VAC14: variants seen among roughly 807,000 people sequenced by gnomAD.
The protein encoded by VAC14 is protein VAC14 homolog.
In VAC14, 47 loss-of-function variants were observed where a neutral mutation model predicts 85.3. That is an observed-to-expected ratio of 0.55 (90% confidence interval 0.44 to 0.70). The LOEUF (loss-of-function observed/expected upper bound fraction) is 0.70. Among genes scored for constraint, VAC14 ranks in the 30% least tolerant of loss-of-function variants. The pLI is 0.00. For missense variants in VAC14, 861 were observed against 1,004.3 expected, an observed-to-expected ratio of 0.86 and a Z score of 1.93; for synonymous variants, 447 against 430.5, an observed-to-expected ratio of 1.04 and a Z score of -0.47.
Position 70,780,908 on chromosome 16 carries a change from C to T in VAC14, c.978G>A (p.Gln326=). 1 of 1,614,200 alleles carries T rather than the reference C, an allele frequency of 6.2e-7. No homozygotes were observed. Among genetic ancestry groups the T allele is most frequent in the East Asian group, 2.2e-5 (1 of 44,882 alleles). The change falls in exon 9 of 19, where the codon CAG becomes CAA. Residue 326 remains glutamine, a synonymous_variant. Coordinates refer to ENST00000261776, the MANE Select transcript of VAC14 (RefSeq NM_018052.5). ...SIKEVANVCN[Q]SLMKLVTPED... ...CGGGGGTGACCAGCTTCATCAGGCTCTGGTTGCACACGTTGGCCACTTCTT... is the reference window on the plus strand; with the variant it reads ...CGGGGGTGACCAGCTTCATCAGGCTTTGGTTGCACACGTTGGCCACTTCTT...
chr16:70,757,070 C>T (rs373951233), intron 12 of VAC14, among the ~76,000 whole-genome samples: 49 of 152,274 alleles, frequency 3.2e-4, no homozygotes, highest in African/African-American at 7.7e-4. Flanking sequence ...TCTGAAGCTA[C>T]GGGAGGGGGA....
At chr16:70,689,994 G>T in intron 18 of VAC14, 1 of 985,438 alleles carries the variant, frequency 1.0e-6, no homozygotes, top group Non-Finnish European at 1.2e-6. Context: ...CTGATGCTGG[G>T]CACCCACAGG....
At chr16:70,702,586 T>C (rs1213755954) in intron 14 of VAC14, among the ~76,000 whole-genome samples, 2 of 152,118 alleles carry the variant, frequency 1.3e-5, no homozygotes, top group African/African-American at 4.8e-5. Flanking sequence ...GGGGGCCGCA[T>C]CCTGCCTGAC....
At chr16:70,721,876 C>T (rs2054302036) in intron 14 of VAC14, among the ~76,000 whole-genome samples, 1 of 152,104 alleles carries the variant, frequency 6.6e-6, no homozygotes, top group Non-Finnish European at 1.5e-5. Context: ...AGGCGTGTCC[C>T]CCCACATCAG....
At chr16:70,790,296 G>A (rs554053597) in intron 1 of VAC14, among the ~76,000 whole-genome samples, 26 of 152,266 alleles carry the variant, frequency 1.7e-4, no homozygotes, top group Admixed American at 5.2e-4. Flanking sequence ...GTTAGGATGA[G>A]GCTGAACAAA....
chr16:70,730,600 T>G (rs1169888189), intron 14 of VAC14, among the ~76,000 whole-genome samples: 1 of 148,838 alleles, frequency 6.7e-6, no homozygotes, highest in African/African-American at 2.5e-5. Context: ...CAGGCTTTTT[T>G]TTTTTTTTTT....
intron 12 of VAC14, among the ~76,000 whole-genome samples, chr16:70,751,192 C>G (rs941091453): frequency 5.3e-5 from 8 of 152,224 alleles, no homozygotes; most frequent in African/African-American, 1.9e-4. Context: ...TAGGAGTCAA[C>G]TGACTCAGCC....
At chr16:70,729,150 C>T (rs1252715830) in intron 14 of VAC14, among the ~76,000 whole-genome samples, 1 of 152,226 alleles carries the variant, frequency 6.6e-6, no homozygotes, top group Admixed American at 6.5e-5. Flanking sequence ...AATGCAAGTG[C>T]TACTGGCATT....
chr16:70,730,853 C>G (rs565465050), intron 14 of VAC14, among the ~76,000 whole-genome samples: 1 of 152,122 alleles, frequency 6.6e-6, no homozygotes, highest in South Asian at 2.1e-4. Flanking sequence ...TAGGGCCATA[C>G]GGACTACTCT....
intron 13 of VAC14, among the ~76,000 whole-genome samples, chr16:70,740,205 T>C (rs1300056240): frequency 6.6e-6 from 1 of 152,156 alleles, no homozygotes; most frequent in African/African-American, 2.4e-5. Context: ...AGGTGATCCA[T>C]CTGCCTCAGC....
At chr16:70,779,352 C>T (rs1177839292) in intron 9 of VAC14, among the ~76,000 whole-genome samples, 3 of 152,228 alleles carry the variant, frequency 2.0e-5, no homozygotes, top group Non-Finnish European at 4.4e-5. Flanking sequence ...TGGGCAGGTT[C>T]CAGACCTTAC....
At chr16:70,728,761 GCT>G (rs1567544424) in intron 14 of VAC14, among the ~76,000 whole-genome samples, 1 of 152,246 alleles carries the variant, frequency 6.6e-6, no homozygotes, top group African/African-American at 2.4e-5. Flanking sequence ...GGGGACTCTA[GCT>G]ATAGATTCCT....
rs183678564 is a variant in VAC14, at chr16:70,691,997, G to A, written c.2186+824C>T. 1,983 of 985,014 alleles carry A rather than the reference G, an allele frequency of 2.0e-3. 3 individuals are homozygous for A. The highest frequency in any genetic ancestry group is 2.6e-3 in the Middle Eastern group (5 of 1,914). 61.0% of individuals were successfully genotyped at this position (985,014 alleles called of 1,614,324 possible). A position where few individuals can be genotyped will look rare whatever the true frequency, so the allele number is the denominator to read the frequency against. On this transcript the variant is annotated intron_variant, in intron 18 of 18. Coordinates refer to ENST00000261776, the MANE Select transcript of VAC14 (RefSeq NM_018052.5). Reference sequence around the variant, plus strand: ...ACAGGGCATCTGATGCAAGCTGGGCGCGCTCCATTCAGCGTAAATCTTCTC... The same window carrying A: ...ACAGGGCATCTGATGCAAGCTGGGCACGCTCCATTCAGCGTAAATCTTCTC...
At chr16:70,779,576 T>C (rs1219821936) in intron 9 of VAC14, among the ~76,000 whole-genome samples, 1 of 152,222 alleles carries the variant, frequency 6.6e-6, no homozygotes, top group South Asian at 2.1e-4. Context: ...CACAAGGACT[T>C]TGTCTGGTAA....
In VAC14 at chr16:70,707,291, C is replaced by T. The variant is rs140699107; in HGVS notation, c.1662-8480G>A. Among the ~76,000 whole-genome samples, 26 of 152,352 alleles carry T rather than the reference C, an allele frequency of 1.7e-4. No homozygotes were observed. In the East Asian group the frequency reaches 3.1e-3, roughly 18 times the overall value. On this transcript the variant is annotated intron_variant, in intron 14 of 18. Transcript: ENST00000261776. ...GCCAACTCATGCCTTAAAAATTCAT[C>T]GTTGTTTAATGCAGTCGATGTGTCT... is the stretch of plus-strand genomic sequence containing the variant.
chr16:70,692,999 G>A (rs1181253716), intron 17 of VAC14, 28 bp from the exon 18 acceptor site: 3 of 1,601,166 alleles, frequency 1.9e-6, no homozygotes, highest in East Asian at 2.2e-5. Flanking sequence ...CAGGGGTCAG[G>A]GACCTGGCAC....
At chr16:70,789,929 C>T (rs1015090529) in intron 1 of VAC14, among the ~76,000 whole-genome samples, 1 of 152,134 alleles carries the variant, frequency 6.6e-6, no homozygotes, top group Non-Finnish European at 1.5e-5. Context: ...GAAAGCCAAC[C>T]TGCACGGCAG....
intron 12 of VAC14, among the ~76,000 whole-genome samples, chr16:70,753,200 T>C (rs900572735): frequency 6.6e-6 from 1 of 152,162 alleles, no homozygotes; most frequent in African/African-American, 2.4e-5. Context: ...TGAACTAAGA[T>C]CACTCACAAG....
chr16:70,742,973 G>A (rs1023160366), intron 13 of VAC14, among the ~76,000 whole-genome samples: 1 of 151,852 alleles, frequency 6.6e-6, no homozygotes, highest in African/African-American at 2.4e-5. Context: ...GCACCAATCA[G>A]CACTCTGTAA....
Sources: allele counts gnomAD v4.1 joint callset (sites outside exome capture counted in the v4.1 genomes callset), GRCh38; gene constraint gnomAD v4.1.1; transcripts MANE v1.5; gene names NCBI Gene and HGNC (gene_info 2026-07-23, HGNC 2026-07-21).